GRID2: variants seen among roughly 807,000 people sequenced by gnomAD.
The protein encoded by GRID2 is glutamate ionotropic receptor delta type subunit 2.
In GRID2, 33 loss-of-function variants were observed where a neutral mutation model predicts 114.8. The observed-to-expected ratio is 0.29, with a 90% CI of 0.22 to 0.38. The LOEUF (loss-of-function observed/expected upper bound fraction) is 0.38. GRID2 is among the 10% of genes least tolerant of loss of function. GRID2 has a pLI of 1.00. For synonymous variants in GRID2, 505 were observed against 449.9 expected (o/e 1.12, Z -1.55); for missense variants, 1,184 against 1,257.7 (o/e 0.94, Z 0.89).
At chr4:93,113,308 G>A (rs1159244160) in intron 4 of GRID2, among the ~76,000 whole-genome samples, 2 of 152,112 alleles carry the variant, frequency 1.3e-5, no homozygotes, top group Non-Finnish European at 2.9e-5. Context: ...TTGTAGATAA[G>A]AAAACTGAGG....
chr4:92,334,340 C>A (rs1365675790), intron 1 of GRID2, among the ~76,000 whole-genome samples: 1 of 152,128 alleles, frequency 6.6e-6, no homozygotes, highest in Non-Finnish European at 1.5e-5. Context: ...GCAATCTGTG[C>A]TTTTGTTAGC....
intron 8 of GRID2, among the ~76,000 whole-genome samples, chr4:93,288,400 G>T (rs190039473): frequency 6.6e-6 from 1 of 152,234 alleles, no homozygotes; most frequent in Non-Finnish European, 1.5e-5. Flanking sequence ...GGTGCTTGGG[G>T]TCCAAGACTT....
intron 8 of GRID2, among the ~76,000 whole-genome samples, chr4:93,241,236 A>T (rs1579396424): frequency 1.3e-5 from 2 of 151,796 alleles, no homozygotes; most frequent in African/African-American, 4.8e-5. Context: ...TTTAATTCTG[A>T]TAATTCAACT....
intron 1 of GRID2, among the ~76,000 whole-genome samples, chr4:92,443,017 C>T (rs1287973685): frequency 6.6e-6 from 1 of 151,334 alleles, no homozygotes; most frequent in Non-Finnish European, 1.5e-5. Context: ...CGAGGAGCAG[C>T]CTGGGGAGGA....
At chr4:92,368,320 G>C (rs1728966987) in intron 1 of GRID2, among the ~76,000 whole-genome samples, 1 of 152,028 alleles carries the variant, frequency 6.6e-6, no homozygotes, top group South Asian at 2.1e-4. Context: ...GGTAGGGAGT[G>C]AAACAGGTGA....
chr4:93,707,521 GA>G (rs1728112129), intron 14 of GRID2, among the ~76,000 whole-genome samples: 1 of 151,716 alleles, frequency 6.6e-6, no homozygotes, highest in African/African-American at 2.4e-5. Flanking sequence ...ATAATCTTTT[GA>G]ATTTCTACAA....
chr4:93,738,828 TAGAA>T (rs2110245791), intron 14 of GRID2, among the ~76,000 whole-genome samples: 1 of 152,144 alleles, frequency 6.6e-6, no homozygotes, highest in African/African-American at 2.4e-5. Flanking sequence ...TGGAATTATT[TAGAA>T]AGAGAGTAGA....
intron 1 of GRID2, among the ~76,000 whole-genome samples, chr4:92,425,021 T>A: frequency 6.6e-6 from 1 of 152,144 alleles, no homozygotes; most frequent in Middle Eastern, 3.4e-3. Flanking sequence ...TTAAGGCAGT[T>A]AAATTTTTAA....
chr4:92,404,765 C>A (rs1730947982), intron 1 of GRID2, among the ~76,000 whole-genome samples: 1 of 152,128 alleles, frequency 6.6e-6, no homozygotes, highest in African/African-American at 2.4e-5. Flanking sequence ...TTATTTTCAG[C>A]AAACTAACAC....
chr4:92,710,130 G>GA (rs1437388041), intron 2 of GRID2, among the ~76,000 whole-genome samples: 27 of 151,316 alleles, frequency 1.8e-4, no homozygotes, highest in African/African-American at 2.4e-5. Flanking sequence ...CCTTTGATAG[G>GA]AAAAAAAACT....
At chr4:92,891,539 G>A (rs1746783070) in intron 2 of GRID2, among the ~76,000 whole-genome samples, 1 of 152,166 alleles carries the variant, frequency 6.6e-6, no homozygotes, top group Non-Finnish European at 1.5e-5. Flanking sequence ...CTAGTCATCA[G>A]GTTGTCACCT....
At chr4:93,278,830 C>T (rs1051902423) in intron 8 of GRID2, among the ~76,000 whole-genome samples, 2 of 151,708 alleles carry the variant, frequency 1.3e-5, no homozygotes, top group African/African-American at 2.4e-5. Flanking sequence ...CAGAAAAAAA[C>T]TGTGTAGGAG....
intron 13 of GRID2, among the ~76,000 whole-genome samples, chr4:93,570,023 A>T (rs1412783877): frequency 6.6e-6 from 1 of 152,180 alleles, no homozygotes; most frequent in African/African-American, 2.4e-5. Flanking sequence ...TATGTTAATA[A>T]ATTCTTGAGA....
chr4:93,511,957 T>G (rs996996726), intron 12 of GRID2, among the ~76,000 whole-genome samples: 1 of 151,976 alleles, frequency 6.6e-6, no homozygotes, highest in African/African-American at 2.4e-5. Flanking sequence ...AATTTTTTTT[T>G]TGTCTTTTTA....
At chr4:93,790,040 G>A (rs986266158) in intron 1 of GRID2, among the ~76,000 whole-genome samples, 1 of 151,880 alleles carries the variant, frequency 6.6e-6, no homozygotes, top group Non-Finnish European at 1.5e-5. Flanking sequence ...ATGATCTGAG[G>A]TGGAACAGTT....
intron 2 of GRID2, among the ~76,000 whole-genome samples, chr4:92,660,741 A>G (rs959033921): frequency 2.6e-5 from 4 of 151,350 alleles, no homozygotes; most frequent in African/African-American, 7.2e-5. Context: ...CATATACCCA[A>G]TAAAACCTCT....
intron 10 of GRID2, among the ~76,000 whole-genome samples, chr4:93,448,009 G>T (rs1242609866): frequency 6.6e-6 from 1 of 151,826 alleles, no homozygotes; most frequent in African/African-American, 2.4e-5. Context: ...ATTACAGAAT[G>T]AGCTTCATTC....
chr4:93,397,707 C>T (rs1765467784), intron 9 of GRID2, among the ~76,000 whole-genome samples: 1 of 151,636 alleles, frequency 6.6e-6, no homozygotes, highest in South Asian at 2.1e-4. Flanking sequence ...TCCAGGAAAC[C>T]CCCACACCAA....
chr4:93,021,727 T>A (rs1723358602), intron 2 of GRID2, among the ~76,000 whole-genome samples: 1 of 145,502 alleles, frequency 6.9e-6, no homozygotes, highest in Non-Finnish European at 1.5e-5. Flanking sequence ...TTATAATATG[T>A]ATATTATGAA....
Sources: gnomAD v4.1 joint callset for allele counts (sites outside exome capture counted in the v4.1 genomes callset) on GRCh38, gnomAD v4.1.1 for gene constraint, MANE v1.5 for transcripts, NCBI Gene and HGNC (gene_info 2026-07-23, HGNC 2026-07-21) for gene names.